ZNF131: variants seen among roughly 807,000 people sequenced by gnomAD.
ZNF131 encodes the protein zinc finger protein 131.
ZNF131 carries 7 observed loss-of-function variants against 60.0 expected under a neutral mutation model. That is an observed-to-expected ratio of 0.12 (90% CI 0.07 to 0.22). The LOEUF is 0.22. Among genes scored for constraint, ZNF131 ranks in the 10% least tolerant of loss-of-function variants. The pLI is 1.00. For synonymous variants in ZNF131, 257 were observed against 253.2 expected (o/e 1.01, Z -0.14); for missense variants, 493 against 740.9 (o/e 0.67, Z 3.88).
Position 43,173,306 on chromosome 5 carries a change from C to T in ZNF131, c.1055-12C>T. 2 of 1,520,094 alleles carry T rather than the reference C, an allele frequency of 1.3e-6. No individual in the cohort carries two copies. The highest frequency in any genetic ancestry group is 2.7e-5 in the South Asian group (2 of 75,446). The allele number at this position is 1,520,094 out of a possible 1,614,324, so 94.2% of individuals were successfully genotyped here. A position where few individuals can be genotyped will look rare whatever the true frequency, so the allele number is the denominator to read the frequency against. ...CTTAATTTGCCAACGTATCTTTTTT[C>T]CCCTCTAATAGGTGAAAAACCTTTT... On this transcript the variant is annotated splice_polypyrimidine_tract_variant and intron_variant, in intron 5 of 6. Coordinates refer to ENST00000682664, the MANE Select transcript of ZNF131 (RefSeq NM_001330707.2).
intron 3 of ZNF131, 152 bp downstream of exon 3, chr5:43,123,462 G>A: frequency 3.9e-6 from 2 of 518,224 alleles, no homozygotes; most frequent in Non-Finnish European, 6.5e-6. Context: ...AGTAGTTCCT[G>A]TAGGTAAAGG....
At position 43,134,693 on chromosome 5, in the gene ZNF131, CTTT is replaced by C. The variant is rs149464238; in HGVS notation, c.227-4452_227-4450del. ...AAAAGTCAGTTGCTTTTCTTTTTTT[CTTT>C]TTTTTTTTTTTTTTTTTTTGGGAGA... is the stretch of plus-strand genomic sequence containing the variant. On this transcript the variant is annotated intron_variant, in intron 3 of 6. Coordinates refer to ENST00000682664, the MANE Select transcript of ZNF131 (RefSeq NM_001330707.2). Among the ~76,000 whole-genome samples, 520 of 88,428 alleles carry C rather than the reference CTTT, an allele frequency of 5.9e-3. 1 individual carries two copies. Among genetic ancestry groups the C allele is most frequent in the African/African-American group, 0.022 (496 of 22,236 alleles). The allele number at this position is 88,428 out of a possible 152,430, so 58.0% of individuals were successfully genotyped here. A position where few individuals can be genotyped will look rare whatever the true frequency, so the allele number is the denominator to read the frequency against.
At chr5:43,148,094 G>T (rs1747850539) in intron 4 of ZNF131, among the ~76,000 whole-genome samples, 1 of 148,914 alleles carries the variant, frequency 6.7e-6, no homozygotes. Context: ...TTTATATGCT[G>T]GGTATGGTGG....
intron 6 of ZNF131, among the ~76,000 whole-genome samples, chr5:43,173,693 A>G (rs1751263772): frequency 6.6e-6 from 1 of 152,168 alleles, no homozygotes; most frequent in African/African-American, 2.4e-5. Context: ...ACCATGGAGT[A>G]ATTATTAAAA....
intron 3 of ZNF131, among the ~76,000 whole-genome samples, chr5:43,134,578 C>A (rs1432812464): frequency 6.6e-6 from 1 of 151,500 alleles, no homozygotes. Flanking sequence ...TTGCAGATGA[C>A]ATCTTATATA....
At chr5:43,149,384 C>A (rs890391329) in intron 4 of ZNF131, among the ~76,000 whole-genome samples, 1 of 152,156 alleles carries the variant, frequency 6.6e-6, no homozygotes, top group Non-Finnish European at 1.5e-5. Context: ...GTAGTTCATT[C>A]CTTTTTCCTG....
rs71608693 is a variant in ZNF131 at position 43,175,881 on chromosome 5, CTTAAG to C, written c.*752_*756del. The stretch of plus-strand genomic sequence containing the variant: ...AATGACAACCACCAGTTCTTTTTCA[CTTAAG>C]TTAGGTTGAGAAATTTTATTTAATG... On this transcript the variant is annotated 3_prime_UTR_variant, in exon 7 of 7. Coordinates refer to ENST00000682664, the MANE Select transcript of ZNF131 (RefSeq NM_001330707.2). 0.097 allele frequency: 14,880 copies of C among 153,104 alleles called. 853 individuals are homozygous for C. The highest frequency in any genetic ancestry group is 0.19 in the East Asian group (985 of 5,242). 9.5% of individuals were successfully genotyped at this position (153,104 alleles called of 1,614,324 possible).
intron 4 of ZNF131, among the ~76,000 whole-genome samples, chr5:43,156,935 G>A (rs149551444): frequency 1.4e-3 from 217 of 151,824 alleles, no homozygotes; most frequent in African/African-American, 5.0e-3. Flanking sequence ...GTTGTTATTC[G>A]TTTGCCTGGT....
At chr5:43,143,486 T>A in intron 4 of ZNF131, 1 of 1,184,732 alleles carries the variant, frequency 8.4e-7, no homozygotes, top group Non-Finnish European at 1.2e-6. Context: ...CTTAATTTCC[T>A]ATCCCACTGG....
At chr5:43,159,392 CTCTAGATATAAGA>C (rs1468345229) in intron 4 of ZNF131, among the ~76,000 whole-genome samples, 1 of 151,930 alleles carries the variant, frequency 6.6e-6, no homozygotes, top group Non-Finnish European at 1.5e-5. Flanking sequence ...CCTTTCTTCA[CTCTAGATATAAGA>C]TCTTTAGGCT....
intron 5 of ZNF131, among the ~76,000 whole-genome samples, chr5:43,166,799 C>T (rs768178285): frequency 6.6e-6 from 1 of 151,994 alleles, no homozygotes; most frequent in Non-Finnish European, 1.5e-5. Context: ...GGATTACAGG[C>T]ACCCAACACC....
chr5:43,139,369 T>A (rs1297842411), intron 4 of ZNF131, 60 bp downstream of exon 4: 1 of 1,433,622 alleles, frequency 7.0e-7, no homozygotes, highest in Non-Finnish European at 9.2e-7. Flanking sequence ...ATTCTGTTAG[T>A]GAAGAACTTA....
chr5:43,174,596 T>G lies in ZNF131; in HGVS notation c.1335T>G (p.Ile445Met), dbSNP rs1215936578. 3 of 1,613,508 alleles carry G rather than the reference T, an allele frequency of 1.9e-6. No homozygotes were observed. The highest frequency in any genetic ancestry group is 2.7e-5 in the African/African-American group (2 of 74,936). The change falls in exon 7 of 7, where the codon ATT becomes ATG. Residue 445 changes from isoleucine to methionine, a missense_variant. Coordinates refer to ENST00000682664, the MANE Select transcript of ZNF131 (RefSeq NM_001330707.2). Reference protein sequence around the residue: ...LRRHLSDAHNISERLVTEEVL... With the variant: ...LRRHLSDAHNMSERLVTEEVL... ...GGCATCTCAGTGATGCTCACAATATTTCAGAGCGTCTAGTAACGGAAGAAG... is the reference window on the plus strand; with the variant it reads ...GGCATCTCAGTGATGCTCACAATATGTCAGAGCGTCTAGTAACGGAAGAAG...
At chr5:43,136,691 C>T (rs188040896) in intron 3 of ZNF131, among the ~76,000 whole-genome samples, 2 of 138,412 alleles carry the variant, frequency 1.4e-5, no homozygotes, top group East Asian at 2.2e-4. Context: ...TTCACCATAT[C>T]GACCAGGCTG....
chr5:43,162,601 A>G (rs923303306), intron 5 of ZNF131, among the ~76,000 whole-genome samples: 7 of 134,392 alleles, frequency 5.2e-5, no homozygotes, highest in African/African-American at 1.1e-4. Flanking sequence ...TAAAAAAAAA[A>G]AAAAGAAAAG....
At chr5:43,157,742 C>A (rs1749135506) in intron 4 of ZNF131, among the ~76,000 whole-genome samples, 1 of 152,192 alleles carries the variant, frequency 6.6e-6, no homozygotes, top group Non-Finnish European at 1.5e-5. Flanking sequence ...TCAAGGTGTT[C>A]ATAGTGCCAT....
intron 4 of ZNF131, among the ~76,000 whole-genome samples, chr5:43,148,788 AG>A (rs1747936732): frequency 6.6e-6 from 1 of 152,254 alleles, no homozygotes; most frequent in South Asian, 2.1e-4. Flanking sequence ...TAAAGTACAC[AG>A]TTTGATGACT....
intron 3 of ZNF131, chr5:43,123,660 G>C (rs1439782787): frequency 5.6e-6 from 1 of 179,534 alleles, no homozygotes; most frequent in African/African-American, 2.4e-5. Context: ...TTATGTTTCA[G>C]ACTGCTGGAG....
At chr5:43,124,073 A>C (rs1403954032) in intron 3 of ZNF131, 1 of 150,878 alleles carries the variant, frequency 6.6e-6, no homozygotes, top group Non-Finnish European at 1.5e-5. Flanking sequence ...AGCCTGGGGC[A>C]ACATAGACCC....
Sources: allele counts gnomAD v4.1 joint callset (sites outside exome capture counted in the v4.1 genomes callset), GRCh38; gene constraint gnomAD v4.1.1; transcripts MANE v1.5; gene names NCBI Gene and HGNC (gene_info 2026-07-23, HGNC 2026-07-21).